SGMS1: variants seen among roughly 807,000 people sequenced by gnomAD.
SGMS1 encodes the protein phosphatidylcholine:ceramide cholinephosphotransferase 1.
Under a neutral mutation model 46.2 loss-of-function variants are expected in SGMS1, and 13 were observed. The ratio of observed to expected loss-of-function variants is 0.28; its 90% CI spans 0.18 to 0.45. The LOEUF is 0.45. Ranked by LOEUF, SGMS1 falls within the 20% of genes least tolerant of loss-of-function variation. The pLI, the probability that SGMS1 is intolerant of heterozygous loss-of-function variation, is 1.00. For synonymous variants in SGMS1, 203 were observed against 187.8 expected (o/e 1.08, Z -0.66); for missense variants, 324 against 519.9 (o/e 0.62, Z 3.66).
At chr10:50,581,420 C>A (rs564577341) in intron 2 of SGMS1, among the ~76,000 whole-genome samples, 1 of 152,230 alleles carries the variant, frequency 6.6e-6, no homozygotes, top group Admixed American at 6.5e-5. Flanking sequence ...AATAGGATAA[C>A]CAACAAAATA....
intron 6 of SGMS1, among the ~76,000 whole-genome samples, chr10:50,428,198 C>A (rs2133609168): frequency 6.6e-6 from 1 of 152,064 alleles, no homozygotes; most frequent in East Asian, 1.9e-4. Context: ...GACATGGAGT[C>A]CACTCCATGT....
Position 50,348,422 on chromosome 10 carries a change from A to G in SGMS1, c.-231-4077T>C, listed in dbSNP as rs376435668. On this transcript the variant is annotated intron_variant, in intron 6 of 10. Transcript: ENST00000361781. ...GATTGTATATTTAGAAAACCCTATC[A>G]TCTCAGCCCAAAAAGTCCTTAGGCT... 3.9e-5 allele frequency among the ~76,000 whole-genome samples: 6 copies of G among 152,282 alleles called. No individual in the cohort carries two copies. The East Asian group carries it at 1.2e-3, about 29-fold the overall frequency.
At chr10:50,444,119 A>C (rs747062650) in intron 5 of SGMS1, among the ~76,000 whole-genome samples, 10 of 152,172 alleles carry the variant, frequency 6.6e-5, no homozygotes, top group Non-Finnish European at 1.3e-4. Context: ...AAAATGGTAG[A>C]TCTAAAACTA....
chr10:50,407,648 T>C (rs1849034824), intron 6 of SGMS1, among the ~76,000 whole-genome samples: 1 of 152,168 alleles, frequency 6.6e-6, no homozygotes, highest in Non-Finnish European at 1.5e-5. Flanking sequence ...TGGCTTTTTT[T>C]TCCCCCTGCT....
At chr10:50,487,248 C>T (rs749793479) in intron 3 of SGMS1, among the ~76,000 whole-genome samples, 9 of 152,164 alleles carry the variant, frequency 5.9e-5, no homozygotes, top group Non-Finnish European at 1.2e-4. Context: ...AAACCAAACA[C>T]TGCATGCTCT....
Position 50,574,961 on chromosome 10 carries a change from GTGTATA to G in SGMS1, c.-589+15186_-589+15191del, listed in dbSNP as rs1180448377. Among the ~76,000 whole-genome samples the G allele has an allele frequency of 7.9e-4, 36 of 45,300 alleles. 1 individual carries two copies. In the East Asian group the frequency reaches 0.019, roughly 24 times the overall value. 29.7% of individuals were successfully genotyped at this position (45,300 alleles called of 152,430 possible). A position where few individuals can be genotyped will look rare whatever the true frequency, so the allele number is the denominator to read the frequency against. ...ATAAACATTTTAAAAGGAAAATGTG[GTGTATA>G]TATATATATATATATATAAAACAAA... is the stretch of plus-strand genomic sequence containing the variant. On this transcript the variant is annotated intron_variant, in intron 2 of 10. Coordinates refer to ENST00000361781, the MANE Select transcript of SGMS1 (RefSeq NM_147156.4).
Position 50,596,836 on chromosome 10 carries a change from C to G in SGMS1, c.-683-6589G>C, listed in dbSNP as rs1838599338. Among the ~76,000 whole-genome samples the G allele has an allele frequency of 2.0e-5, 3 of 152,284 alleles. No homozygotes were observed. The Middle Eastern group carries it at 0.01, about 518-fold the overall frequency. On this transcript the variant is annotated intron_variant, in intron 1 of 10. Transcript: ENST00000361781. ...TGAGAGAACATATCATAATACAGAT[C>G]CCTATTTAACAGAAAAGGAAATTGA...
At position 50,392,323 on chromosome 10, in the gene SGMS1, C is replaced by T. The variant is rs149561712; in HGVS notation, c.-232+41153G>A. Among the ~76,000 whole-genome samples, 5 of 152,234 alleles carry T rather than the reference C, an allele frequency of 3.3e-5. No individual in the cohort carries two copies. The East Asian group carries it at 9.6e-4, about 29-fold the overall frequency. On this transcript the variant is annotated intron_variant, in intron 6 of 10. Coordinates refer to ENST00000361781, the MANE Select transcript of SGMS1 (RefSeq NM_147156.4). ...ATTAGAAAAACAAAATAGAATCTAGCTATATCCATTTAGAGAGTCTTAATC... is the reference window on the plus strand; with the variant it reads ...ATTAGAAAAACAAAATAGAATCTAGTTATATCCATTTAGAGAGTCTTAATC...
At chr10:50,465,269 T>C (rs1230093765) in intron 4 of SGMS1, among the ~76,000 whole-genome samples, 1 of 152,192 alleles carries the variant, frequency 6.6e-6, no homozygotes, top group African/African-American at 2.4e-5. Flanking sequence ...TTTTGTATTG[T>C]CTCACTCTTA....
intron 6 of SGMS1, among the ~76,000 whole-genome samples, chr10:50,392,201 A>C (rs1189725399): frequency 6.6e-6 from 1 of 151,832 alleles, no homozygotes; most frequent in East Asian, 1.9e-4. Flanking sequence ...AAAAAAAAAA[A>C]AACTGAAATG....
At chr10:50,623,555 C>T (rs1330681201) in intron 1 of SGMS1, 152 bp downstream of exon 1, 2 of 983,122 alleles carry the variant, frequency 2.0e-6, no homozygotes, top group South Asian at 4.7e-5. Context: ...CCGCCAGGTA[C>T]GCGCGCGGCA....
intron 6 of SGMS1, among the ~76,000 whole-genome samples, chr10:50,417,264 T>C (rs905175443): frequency 1.3e-5 from 2 of 152,178 alleles, no homozygotes; most frequent in African/African-American, 4.8e-5. Context: ...GCGGGTTTTT[T>C]AAGTGGCTCA....
intron 6 of SGMS1, among the ~76,000 whole-genome samples, chr10:50,420,165 T>G (rs541218533): frequency 9.9e-5 from 15 of 152,252 alleles, no homozygotes; most frequent in Admixed American, 5.2e-4. Flanking sequence ...TCCTAGATGA[T>G]GAAGCTGTCA....
At chr10:50,509,832 T>C (rs879530379) in intron 3 of SGMS1, among the ~76,000 whole-genome samples, 97 of 152,212 alleles carry the variant, frequency 6.4e-4, no homozygotes, top group African/African-American at 2.2e-3. Context: ...GATCCTTTGA[T>C]GGTATTTAAG....
chr10:50,560,956 A>G (rs1483085046), intron 2 of SGMS1, among the ~76,000 whole-genome samples: 2 of 152,138 alleles, frequency 1.3e-5, no homozygotes, highest in East Asian at 3.8e-4. Flanking sequence ...TAATCTCTTT[A>G]TGTTATATTC....
chr10:50,429,398 T>A (rs1418856697), intron 6 of SGMS1, among the ~76,000 whole-genome samples: 1 of 152,166 alleles, frequency 6.6e-6, no homozygotes, highest in Non-Finnish European at 1.5e-5. Flanking sequence ...ATAGCCTAGG[T>A]TTGTAGTAGG....
intron 3 of SGMS1, among the ~76,000 whole-genome samples, chr10:50,470,999 A>C (rs1209859363): frequency 1.3e-5 from 2 of 152,190 alleles, no homozygotes; most frequent in Non-Finnish European, 2.9e-5. Flanking sequence ...TGAATCAGGG[A>C]TTTAATGAGG....
intron 3 of SGMS1, among the ~76,000 whole-genome samples, chr10:50,476,198 C>A (rs1837425942): frequency 6.9e-6 from 1 of 145,638 alleles, no homozygotes; most frequent in African/African-American, 2.5e-5. Flanking sequence ...CATTTGAACT[C>A]AGGAGGCATA....
Position 50,306,691 on chromosome 10 carries a change from AC to A in SGMS1, c.*450del. On this transcript the variant is annotated 3_prime_UTR_variant, in exon 11 of 11. Transcript: ENST00000361781. Reference sequence around the variant, plus strand: ...TTTCAGAATCAAACCCCATTCAGGTACTTAGAAACCTTCATAGAGACATTTG... The same window carrying A: ...TTTCAGAATCAAACCCCATTCAGGTATTAGAAACCTTCATAGAGACATTTG... The A allele has an allele frequency of 6.5e-6, 1 of 153,236 alleles. No homozygotes were observed. The highest frequency in any genetic ancestry group is 2.4e-5 in the African/African-American group (1 of 41,594). The allele number at this position is 153,236 out of a possible 1,614,324, so 9.5% of individuals were successfully genotyped here. A position where few individuals can be genotyped will look rare whatever the true frequency, so the allele number is the denominator to read the frequency against.
Sources: gnomAD v4.1 joint callset for allele counts (sites outside exome capture counted in the v4.1 genomes callset) on GRCh38, gnomAD v4.1.1 for gene constraint, MANE v1.5 for transcripts, NCBI Gene and HGNC (gene_info 2026-07-23, HGNC 2026-07-21) for gene names.